CHMP3: variants seen among roughly 807,000 people sequenced by gnomAD.
The protein encoded by CHMP3 is charged multivesicular body protein 3, also known as 25.1 protein.
In CHMP3, 8 loss-of-function variants were observed where a neutral mutation model predicts 27.4. The observed-to-expected ratio is 0.29, with a 90% CI of 0.17 to 0.53. The LOEUF is 0.53. Ranked by LOEUF, CHMP3 falls within the 20% of genes least tolerant of loss-of-function variation. The pLI, the probability that CHMP3 is intolerant of heterozygous loss-of-function variation, is 0.96. For missense variants in CHMP3, 208 were observed against 271.5 expected, an observed-to-expected ratio of 0.77 and a Z score of 1.64; for synonymous variants, 86 against 85.5, an observed-to-expected ratio of 1.01 and a Z score of -0.03.
At chr2:86,509,871 G>T (rs1379172767) in intron 4 of CHMP3, among the ~76,000 whole-genome samples, 1 of 152,168 alleles carries the variant, frequency 6.6e-6, no homozygotes, top group Non-Finnish European at 1.5e-5. Flanking sequence ...CTTGTCTGAG[G>T]GCCACGAGTA....
intron 3 of CHMP3, among the ~76,000 whole-genome samples, chr2:86,521,716 AT>A (rs1410705215): frequency 6.6e-6 from 1 of 152,236 alleles, no homozygotes; most frequent in Non-Finnish European, 1.5e-5. Context: ...TTCACTTAGC[AT>A]AATGCCTTCA....
chr2:86,538,114 G>A (rs1336425487), intron 2 of CHMP3, among the ~76,000 whole-genome samples: 2 of 152,156 alleles, frequency 1.3e-5, no homozygotes, highest in Admixed American at 1.3e-4. Flanking sequence ...TCTGATACCT[G>A]CTACAACATG....
rs549427004 is a variant in CHMP3, at chr2:86,558,651, T to G, written c.45+4653A>C. Among the ~76,000 whole-genome samples, 4 of 152,282 alleles carry G rather than the reference T, an allele frequency of 2.6e-5. No homozygotes were observed. In the South Asian group the frequency reaches 8.3e-4, roughly 32 times the overall value. ...TATGACTACACCTGGCCTCTGCTTA[T>G]CCTGTGCCAGGACCCAGACCCACCT... On this transcript the variant is annotated intron_variant, in intron 1 of 5. Transcript: ENST00000263856.
At chr2:86,547,674 G>C (rs985932604) in intron 1 of CHMP3, among the ~76,000 whole-genome samples, 1 of 152,176 alleles carries the variant, frequency 6.6e-6, no homozygotes, top group Non-Finnish European at 1.5e-5. Flanking sequence ...TCAAGAAAAT[G>C]TATCAAGCAA....
chr2:86,560,249 G>A (rs964568407), intron 1 of CHMP3, among the ~76,000 whole-genome samples: 3 of 151,490 alleles, frequency 2.0e-5, no homozygotes, highest in South Asian at 2.1e-4. Context: ...GCGACAGAGC[G>A]AGACTCCATC....
intron 1 of CHMP3, among the ~76,000 whole-genome samples, chr2:86,559,962 C>T (rs536872234): frequency 2.6e-4 from 40 of 152,188 alleles, no homozygotes; most frequent in African/African-American, 8.7e-4. Flanking sequence ...CCTGAGACTG[C>T]GTAATTCATA....
At chr2:86,534,196 C>CTTTTTTTTTTTT (rs33977886) in intron 2 of CHMP3, among the ~76,000 whole-genome samples, 2 of 66,902 alleles carry the variant, frequency 3.0e-5, no homozygotes, top group Non-Finnish European at 5.4e-5. Context: ...TGCTTTATTT[C>CTTTTTTTTTTTT]TTTTTTTTTT....
chr2:86,563,310 T>G lies in CHMP3; in HGVS notation c.39A>C (p.Lys13Asn). 2 of 1,614,106 alleles carry G rather than the reference T, an allele frequency of 1.2e-6. No individual in the cohort carries two copies. Among genetic ancestry groups the G allele is most frequent in the Non-Finnish European group, 1.7e-6 (2 of 1,179,944 alleles). The change falls in exon 1 of 6, where the codon AAA (lysine) becomes AAC (asparagine). Residue 13 changes from lysine to asparagine, a missense_variant. By Grantham distance (94) the Lys-to-Asn change is moderately conservative (BLOSUM62 0). This residue lies in a region of CHMP3 where 52 missense variants were observed against 43.5 expected (regional missense o/e 1.19). Transcript: ENST00000263856. ...CCGCCGCCGTAGCCCTTACCAGTTC[T>G]TTGGGCGGCTTCTCCTGGGTCTTTC... ...LFGKTQEKPPKELVNEWSLKI... is the reference protein window; with the variant it reads ...LFGKTQEKPPNELVNEWSLKI...
chr2:86,518,606 G>A (rs1416155305), intron 3 of CHMP3, among the ~76,000 whole-genome samples: 6 of 152,054 alleles, frequency 3.9e-5, no homozygotes, highest in Non-Finnish European at 7.4e-5. Context: ...TTGACAGTCC[G>A]GGCTGGGTAA....
At chr2:86,508,300 C>G (rs1017331625) in intron 4 of CHMP3, among the ~76,000 whole-genome samples, 1 of 152,228 alleles carries the variant, frequency 6.6e-6, no homozygotes, top group African/African-American at 2.4e-5. Flanking sequence ...CTGCAGGACA[C>G]AAGCAAATGG....
intron 1 of CHMP3, among the ~76,000 whole-genome samples, chr2:86,560,302 G>A (rs928677792): frequency 6.6e-6 from 1 of 151,978 alleles, no homozygotes; most frequent in African/African-American, 2.4e-5. Flanking sequence ...CAATAGCAAA[G>A]ACTTGGAACC....
At chr2:86,529,828 G>A (rs1675845008) in intron 2 of CHMP3, among the ~76,000 whole-genome samples, 1 of 152,060 alleles carries the variant, frequency 6.6e-6, no homozygotes, top group East Asian at 1.9e-4. Context: ...GGTAAGATAA[G>A]TCTTTATTAT....
intron 1 of CHMP3, among the ~76,000 whole-genome samples, chr2:86,554,691 T>C (rs1053669003): frequency 2.4e-4 from 37 of 152,152 alleles, no homozygotes; most frequent in African/African-American, 8.7e-4. Flanking sequence ...ATTTCCCTTG[T>C]ACATAGCCTA....
At chr2:86,530,057 C>T (rs1675855770) in intron 2 of CHMP3, among the ~76,000 whole-genome samples, 1 of 151,860 alleles carries the variant, frequency 6.6e-6, no homozygotes, top group Non-Finnish European at 1.5e-5. Context: ...TGCAATGGTG[C>T]AGTCTCAGCT....
chr2:86,514,134 G>A (rs1675205162), intron 3 of CHMP3, among the ~76,000 whole-genome samples: 1 of 152,192 alleles, frequency 6.6e-6, no homozygotes, highest in Admixed American at 6.5e-5. Flanking sequence ...TGTGCTGCTG[G>A]TCAGCTCCTG....
At chr2:86,523,182 A>G (rs904632402) in intron 3 of CHMP3, among the ~76,000 whole-genome samples, 5 of 152,012 alleles carry the variant, frequency 3.3e-5, no homozygotes, top group African/African-American at 1.2e-4. Context: ...AACCTCCCAG[A>G]CCTTCCTTCC....
intron 2 of CHMP3, among the ~76,000 whole-genome samples, chr2:86,535,493 C>T (rs1376512714): frequency 6.6e-6 from 1 of 152,088 alleles, no homozygotes; most frequent in East Asian, 1.9e-4. Flanking sequence ...AAACTTATAA[C>T]ACTCTAATGT....
intron 3 of CHMP3, among the ~76,000 whole-genome samples, chr2:86,512,764 A>C (rs1317598703): frequency 1.3e-5 from 2 of 152,270 alleles, no homozygotes; most frequent in Non-Finnish European, 2.9e-5. Context: ...ATGGCAAGTA[A>C]GCATATGAAA....
intron 1 of CHMP3, among the ~76,000 whole-genome samples, chr2:86,557,504 A>G (rs1459261336): frequency 1.3e-5 from 2 of 152,102 alleles, no homozygotes; most frequent in East Asian, 3.9e-4. Context: ...ACAGACCTTT[A>G]TTAATCTGCC....
Sources: allele counts gnomAD v4.1 joint callset (sites outside exome capture counted in the v4.1 genomes callset), GRCh38; gene constraint gnomAD v4.1.1; regional missense constraint gnomAD v4.1.1; transcripts MANE v1.5; gene names NCBI Gene and HGNC (gene_info 2026-07-23, HGNC 2026-07-21).